CNTN5: variants seen among roughly 807,000 people sequenced by gnomAD.
CNTN5 encodes the protein contactin 5, also known as contactin-5.
In CNTN5, 77 loss-of-function variants were observed where a neutral mutation model predicts 129.1. The ratio of observed to expected loss-of-function variants is 0.60; its 90% CI spans 0.50 to 0.72. The LOEUF is 0.72. Ranked by LOEUF, CNTN5 falls within the 30% of genes least tolerant of loss-of-function variation. CNTN5 has a pLI of 0.00. For synonymous variants in CNTN5, 509 were observed against 465.6 expected (o/e 1.09, Z -1.20); for missense variants, 1,478 against 1,328.8 (o/e 1.11, Z -1.75).
intron 3 of CNTN5, among the ~76,000 whole-genome samples, chr11:99,668,578 A>C (rs1425650787): frequency 1.3e-5 from 2 of 151,910 alleles, no homozygotes; most frequent in African/African-American, 2.4e-5. Context: ...CCAGAAAAAA[A>C]CATTATACTA....
At chr11:99,447,860 A>T (rs933482187) in intron 2 of CNTN5, among the ~76,000 whole-genome samples, 2 of 152,120 alleles carry the variant, frequency 1.3e-5, no homozygotes, top group African/African-American at 4.8e-5. Context: ...AGGAGGCAGA[A>T]GTTGCAGTAA....
intron 9 of CNTN5, chr11:100,003,874 T>C (rs1405556642): frequency 6.6e-6 from 1 of 152,194 alleles, no homozygotes; most frequent in African/African-American, 2.4e-5. Flanking sequence ...TGGTGTCCTT[T>C]CTAAGAAATG....
At chr11:99,470,541 TG>T (rs1336892976) in intron 2 of CNTN5, among the ~76,000 whole-genome samples, 1 of 152,152 alleles carries the variant, frequency 6.6e-6, no homozygotes, top group Non-Finnish European at 1.5e-5. Flanking sequence ...GGTTCTATAC[TG>T]GTTCATTTTT....
intron 1 of CNTN5, among the ~76,000 whole-genome samples, chr11:99,254,812 C>A (rs1480275397): frequency 6.6e-6 from 1 of 151,718 alleles, no homozygotes; most frequent in East Asian, 1.9e-4. Flanking sequence ...TCTCATGTTA[C>A]CCCAATATTA....
intron 3 of CNTN5, among the ~76,000 whole-genome samples, chr11:99,810,768 G>C (rs1565557316): frequency 6.6e-6 from 1 of 152,140 alleles, no homozygotes; most frequent in Non-Finnish European, 1.5e-5. Flanking sequence ...TCTCATCAAA[G>C]AGAGGACAGC....
chr11:99,393,036 A>C (rs79363303), intron 2 of CNTN5, among the ~76,000 whole-genome samples: 4,205 of 151,922 alleles, frequency 0.028, 183 homozygotes, highest in African/African-American at 0.095. Flanking sequence ...ATGACATCTA[A>C]TTTAAGTGGT....
At chr11:99,718,757 C>G (rs1396049277) in intron 3 of CNTN5, among the ~76,000 whole-genome samples, 3 of 152,018 alleles carry the variant, frequency 2.0e-5, no homozygotes, top group African/African-American at 7.2e-5. Flanking sequence ...AAACACTTTG[C>G]TAAGTGTCAC....
intron 3 of CNTN5, among the ~76,000 whole-genome samples, chr11:99,810,806 G>C (rs1012499807): frequency 6.6e-6 from 1 of 152,068 alleles, no homozygotes; most frequent in African/African-American, 2.4e-5. Flanking sequence ...AAAAGGTCAG[G>C]TATCAGATTT....
intron 6 of CNTN5, among the ~76,000 whole-genome samples, chr11:99,875,366 G>A (rs1002812560): frequency 6.6e-6 from 1 of 151,988 alleles, no homozygotes; most frequent in African/African-American, 2.4e-5. Flanking sequence ...ATCATAACTG[G>A]GAAGTTGATT....
chr11:99,309,768 A>G (rs1299751726), intron 1 of CNTN5, among the ~76,000 whole-genome samples: 1 of 152,192 alleles, frequency 6.6e-6, no homozygotes, highest in Non-Finnish European at 1.5e-5. Context: ...GACAGCCGTC[A>G]GTTGTTTTAT....
At chr11:99,088,411 C>T (rs536613962) in intron 1 of CNTN5, among the ~76,000 whole-genome samples, 1 of 152,160 alleles carries the variant, frequency 6.6e-6, no homozygotes, top group South Asian at 2.1e-4. Context: ...AGATCAAGGC[C>T]GTGATCTTTA....
chr11:100,024,439 G>A (rs1941309459), intron 9 of CNTN5, among the ~76,000 whole-genome samples: 1 of 152,058 alleles, frequency 6.6e-6, no homozygotes, highest in Admixed American at 6.5e-5. Flanking sequence ...TGGGAGTGGG[G>A]CACTGCTATA....
At chr11:100,304,528 C>T (rs1326351354) in intron 20 of CNTN5, among the ~76,000 whole-genome samples, 1 of 151,520 alleles carries the variant, frequency 6.6e-6, no homozygotes, top group African/African-American at 2.4e-5. Flanking sequence ...GAGCCTGTGG[C>T]AGGGTTAAGT....
At chr11:99,446,141 TG>T (rs1944062274) in intron 2 of CNTN5, among the ~76,000 whole-genome samples, 1 of 151,302 alleles carries the variant, frequency 6.6e-6, no homozygotes, top group South Asian at 2.1e-4. Flanking sequence ...CTCATCCTCA[TG>T]TTCTTGATTA....
chr11:99,591,575 T>C (rs532249548), intron 3 of CNTN5, among the ~76,000 whole-genome samples: 47 of 152,156 alleles, frequency 3.1e-4, no homozygotes, highest in South Asian at 1.9e-3. Flanking sequence ...CCTGACATCA[T>C]GATCCACCCA....
At chr11:99,259,309 C>T (rs1591435048) in intron 1 of CNTN5, among the ~76,000 whole-genome samples, 1 of 151,670 alleles carries the variant, frequency 6.6e-6, no homozygotes, top group East Asian at 1.9e-4. Context: ...CTTCTAAAAT[C>T]CTATACCCAT....
intron 13 of CNTN5, among the ~76,000 whole-genome samples, chr11:100,129,407 AT>A (rs1267034174): frequency 3.3e-5 from 5 of 152,044 alleles, no homozygotes; most frequent in African/African-American, 1.2e-4. Context: ...TTCTATGACC[AT>A]TTTTCTATGC....
intron 8 of CNTN5, among the ~76,000 whole-genome samples, chr11:99,959,497 A>G (rs879344836): frequency 6.6e-6 from 1 of 152,138 alleles, no homozygotes; most frequent in Non-Finnish European, 1.5e-5. Context: ...CAATTCCTCC[A>G]TCCTGTACTA....
At chr11:99,776,734 C>A (rs1945137953) in intron 3 of CNTN5, among the ~76,000 whole-genome samples, 1 of 151,428 alleles carries the variant, frequency 6.6e-6, no homozygotes, top group Admixed American at 6.6e-5. Flanking sequence ...TCATGTGGAA[C>A]ACGCTTTATT....
Sources: gnomAD v4.1 joint callset for allele counts (sites outside exome capture counted in the v4.1 genomes callset) on GRCh38, gnomAD v4.1.1 for gene constraint, MANE v1.5 for transcripts, NCBI Gene and HGNC (gene_info 2026-07-23, HGNC 2026-07-21) for gene names.